Variants in SEC24D observed in about 807,000 individuals in gnomAD.
SEC24D encodes protein transport protein Sec24D.
In SEC24D, 69 loss-of-function variants were observed where a neutral mutation model predicts 116.9. The ratio of observed to expected loss-of-function variants is 0.59; its 90% CI spans 0.49 to 0.72. The LOEUF is 0.72. Among genes scored for constraint, SEC24D ranks in the 30% least tolerant of loss-of-function variants. The pLI, the probability that SEC24D is intolerant of heterozygous loss-of-function variation, is 0.00. For synonymous variants in SEC24D, 405 were observed against 442.8 expected, an observed-to-expected ratio of 0.91 and a Z score of 1.07; for missense variants, 1,131 against 1,264.1, an observed-to-expected ratio of 0.89 and a Z score of 1.60.
chr4:118,808,254 C>G (rs2110516223), intron 6 of SEC24D, among the ~76,000 whole-genome samples: 1 of 152,316 alleles, frequency 6.6e-6, no homozygotes, highest in African/African-American at 2.4e-5. Context: ...AACCACTGCA[C>G]CTGGCTTAGA....
chr4:118,758,635 C>A (rs936556698), intron 10 of SEC24D: 3 of 152,012 alleles, frequency 2.0e-5, no homozygotes, highest in Admixed American at 1.3e-4. Context: ...GACCTACATA[C>A]GGAATAAAGA....
intron 6 of SEC24D, among the ~76,000 whole-genome samples, chr4:118,808,032 G>T (rs987656833): frequency 1.3e-5 from 2 of 152,158 alleles, no homozygotes; most frequent in Non-Finnish European, 2.9e-5. Context: ...TGTGAAGGGG[G>T]TTCACTGCAG....
chr4:118,786,171 A>C (rs1191333717), intron 8 of SEC24D, among the ~76,000 whole-genome samples: 2 of 152,186 alleles, frequency 1.3e-5, no homozygotes, highest in African/African-American at 4.8e-5. Context: ...CACCACATTC[A>C]TGACAATGCT....
chr4:118,774,678 G>A (rs1349426181), intron 8 of SEC24D, among the ~76,000 whole-genome samples: 1 of 152,112 alleles, frequency 6.6e-6, no homozygotes, highest in African/African-American at 2.4e-5. Flanking sequence ...GCTGGTCTGT[G>A]ACTTGAATCA....
intron 8 of SEC24D, among the ~76,000 whole-genome samples, chr4:118,791,144 G>A (rs1485622480): frequency 6.6e-6 from 1 of 151,840 alleles, no homozygotes; most frequent in African/African-American, 2.4e-5. Context: ...TTAGATAAAC[G>A]ATAGTGCCAC....
chr4:118,815,047 G>A lies in SEC24D; in HGVS notation c.782C>T (p.Pro261Leu), dbSNP rs779539376. 1.4e-5 allele frequency: 23 copies of A among 1,614,170 alleles called. No homozygotes were observed. The highest frequency in any genetic ancestry group is 1.9e-5 in the Non-Finnish European group (22 of 1,180,018). The change falls in exon 6 of 23, where the codon CCT (proline) becomes CTT (leucine). Residue 261 changes from proline to leucine, a missense_variant. Transcript: ENST00000280551. ...GPPQPQKKLD[P>L]DSIPSPIQVI... ...ACTTACTGGGCTAGGGATAGAGTCA[G>A]GATCCAGCTTCTTCTGGGGCTGTGG... is the stretch of plus-strand genomic sequence containing the variant.
intron 7 of SEC24D, among the ~76,000 whole-genome samples, chr4:118,804,728 C>T (rs1480761510): frequency 1.3e-5 from 2 of 151,800 alleles, no homozygotes; most frequent in Non-Finnish European, 2.9e-5. Flanking sequence ...TTGATCTTAG[C>T]CAAAAGGCCG....
At chr4:118,834,262 A>G (rs1174377079) in intron 1 of SEC24D, among the ~76,000 whole-genome samples, 5 of 152,250 alleles carry the variant, frequency 3.3e-5, no homozygotes, top group African/African-American at 1.2e-4. Flanking sequence ...CAACGTTGAT[A>G]ATGGGCTTAT....
intron 6 of SEC24D, among the ~76,000 whole-genome samples, chr4:118,806,353 G>A (rs1300547790): frequency 6.7e-6 from 1 of 149,512 alleles, no homozygotes; most frequent in East Asian, 1.9e-4. Flanking sequence ...TTCATTTTTT[G>A]AGATGGGGGT....
At chr4:118,789,880 T>G (rs1578437469) in intron 8 of SEC24D, among the ~76,000 whole-genome samples, 1 of 152,202 alleles carries the variant, frequency 6.6e-6, no homozygotes, top group Admixed American at 6.5e-5. Flanking sequence ...CACCGCGCCC[T>G]GCCTCAACAG....
chr4:118,820,953 T>G (rs1471166977), intron 3 of SEC24D, among the ~76,000 whole-genome samples: 1 of 152,068 alleles, frequency 6.6e-6, no homozygotes, highest in Non-Finnish European at 1.5e-5. Flanking sequence ...CTCTGCAGAG[T>G]TGACTCAGTT....
chr4:118,759,399 T>A (rs1727259778), intron 10 of SEC24D, among the ~76,000 whole-genome samples: 1 of 152,196 alleles, frequency 6.6e-6, no homozygotes, highest in Admixed American at 6.5e-5. Flanking sequence ...TGTGCCTAGA[T>A]AACTGTCATG....
At chr4:118,833,326 A>T in intron 2 of SEC24D, 1 of 334,610 alleles carries the variant, frequency 3.0e-6, no homozygotes, top group South Asian at 7.8e-5. Flanking sequence ...CAAGAACAAG[A>T]CTCACAGTAA....
intron 14 of SEC24D, 107 bp from the exon 15 acceptor site, chr4:118,744,265 T>C (rs533005218): frequency 4.7e-5 from 55 of 1,171,040 alleles, no homozygotes; most frequent in African/African-American, 6.2e-5. Flanking sequence ...AATGGAAAAA[T>C]AGACATTTTC....
Position 118,810,134 on chromosome 4 carries a change from GT to G in SEC24D, c.802-4181del, listed in dbSNP as rs1560737325. On this transcript the variant is annotated intron_variant, in intron 6 of 22. Transcript: ENST00000280551. Reference sequence around the variant, plus strand: ...TGTGTGTGTGTGTGTGTGTGTGTGTGTGTCAGAGGGTATAGGGGAGCCAGGG... The same window carrying G: ...TGTGTGTGTGTGTGTGTGTGTGTGTGGTCAGAGGGTATAGGGGAGCCAGGG... Among the ~76,000 whole-genome samples, 1,084 of 122,254 alleles carry G rather than the reference GT, an allele frequency of 8.9e-3. 67 individuals carry two copies. The highest frequency in any genetic ancestry group is 0.028 in the Admixed American group (285 of 10,188). The allele number at this position is 122,254 out of a possible 152,430, so 80.2% of individuals were successfully genotyped here.
chr4:118,757,933 C>T, intron 10 of SEC24D, 88 bp from the exon 11 acceptor site: 1 of 1,067,994 alleles, frequency 9.4e-7, no homozygotes, highest in African/African-American at 1.6e-5. Flanking sequence ...TGAAAGTCAT[C>T]AGATGTTTCA....
chr4:118,743,090 T>C (rs1289331051), intron 15 of SEC24D, among the ~76,000 whole-genome samples: 1 of 152,158 alleles, frequency 6.6e-6, no homozygotes, highest in African/African-American at 2.4e-5. Context: ...GACATTTTGA[T>C]TGTCTCTTGA....
chr4:118,736,350 C>G (rs1164642985), intron 19 of SEC24D: 1 of 159,976 alleles, frequency 6.3e-6, no homozygotes, highest in Non-Finnish European at 1.4e-5. Flanking sequence ...AGAATGACAG[C>G]TTCCTTAGAT....
chr4:118,741,471 C>T (rs1186913013), intron 15 of SEC24D, among the ~76,000 whole-genome samples: 1 of 152,138 alleles, frequency 6.6e-6, no homozygotes, highest in African/African-American at 2.4e-5. Context: ...AGTAGAAACC[C>T]CTTCTCCTAG....
Sources: gnomAD v4.1 joint callset for allele counts (sites outside exome capture counted in the v4.1 genomes callset) on GRCh38, gnomAD v4.1.1 for gene constraint, MANE v1.5 for transcripts, NCBI Gene and HGNC (gene_info 2026-07-23, HGNC 2026-07-21) for gene names.